The following MUC4 variants were observed in gnomAD, a reference collection of about 807,000 sequenced individuals.
The protein encoded by MUC4 is mucin 4, cell surface associated.
In MUC4, 202 loss-of-function variants were observed where a neutral mutation model predicts 257.9. That is an observed-to-expected ratio of 0.78 (90% CI 0.70 to 0.88). MUC4 has a LOEUF of 0.88. MUC4 is among the 40% of genes least tolerant of loss of function. MUC4 has a pLI of 0.00. For synonymous variants in MUC4, 2,351 were observed against 2,757.1 expected, an observed-to-expected ratio of 0.85 and a Z score of 4.62; for missense variants, 5,976 against 6,513.7, an observed-to-expected ratio of 0.92 and a Z score of 2.84.
rs1360873404 is a variant in MUC4 at position 195,762,860 on chromosome 3, C to T, written c.14339G>A (p.Gly4780Asp). The change falls in exon 13 of 25, where the codon GGC becomes GAC. Residue 4780 changes from glycine (G) to aspartate (D), a missense_variant. By Grantham distance (94) the Gly-to-Asp change is moderately conservative. Transcript: ENST00000463781. ...GCCGGCGCTCCCCAACCTACCTCCG[C>T]CGTCTTCATGGTCAGGCTGAAATGT... ...TVTFQPDHED[G>D]GGQETFNATG... 6.4e-7 allele frequency: 1 copy of T among 1,560,968 alleles called. No homozygotes were observed.
At chr3:195,768,945 G>C in intron 7 of MUC4, 77 bp downstream of exon 7, 2 of 1,534,280 alleles carry the variant, frequency 1.3e-6, no homozygotes, top group Non-Finnish European at 1.8e-6. Flanking sequence ...CCCAGGATGG[G>C]AGTGTGTGTG....
At position 195,784,067 on chromosome 3, in the gene MUC4, C is replaced by A. The variant is rs1301601460; in HGVS notation, c.7513G>T (p.Ala2505Ser). 7 of 1,529,358 alleles carry A rather than the reference C, an allele frequency of 4.6e-6. No individual in the cohort carries two copies. The highest frequency in any genetic ancestry group is 4.9e-5 in the East Asian group (2 of 40,744). The allele number at this position is 1,529,358 out of a possible 1,614,324, so 94.7% of individuals were successfully genotyped here. ...AGAGGGGTGGTGTGACCTGTAGATG[C>A]TGAGGAAGGGCTGGTGACAGGAAGA... ...TRLPVTSPSS[A>S]STGHTTPLPV... The change falls in exon 2 of 25, where the codon GCA (alanine) becomes TCA (serine). Residue 2505 changes from alanine (A) to serine (S), a missense_variant. Coordinates refer to ENST00000463781, the MANE Select transcript of MUC4 (RefSeq NM_018406.7).
intron 8 of MUC4, among the ~76,000 whole-genome samples, chr3:195,765,760 C>T (rs1217701210): frequency 6.6e-6 from 1 of 152,212 alleles, no homozygotes; most frequent in African/African-American, 2.4e-5. Flanking sequence ...ATTTCTTTCC[C>T]ATTGGGGCCT....
At chr3:195,807,048 G>A (rs908285303) in intron 1 of MUC4, among the ~76,000 whole-genome samples, 52 of 152,226 alleles carry the variant, frequency 3.4e-4, no homozygotes, top group African/African-American at 1.1e-3. Flanking sequence ...GTGGAGCTGC[G>A]GGCAACCCAG....
chr3:195,756,734 C>T (rs562236795), intron 18 of MUC4, among the ~76,000 whole-genome samples: 24 of 151,660 alleles, frequency 1.6e-4, no homozygotes, highest in Non-Finnish European at 2.9e-4. Flanking sequence ...GCAATCTTGG[C>T]TCACTGTAAC....
rs758033892 is a variant in MUC4, at chr3:195,748,941, C to G, written c.15995G>C (p.Gly5332Ala). 1 of 1,599,782 alleles carries G rather than the reference C, an allele frequency of 6.3e-7. No homozygotes were observed. The highest frequency in any genetic ancestry group is 8.5e-7 in the Non-Finnish European group (1 of 1,173,206). Residue 5332 changes from glycine (G) to alanine (A), a missense_variant, in exon 24 of 25, where the codon GGA (glycine) becomes GCA (alanine). Around this residue, in one of 44 missense-constraint regions of MUC4, gnomAD observed 310 missense variants for 242.1 expected, o/e 1.28. Coordinates refer to ENST00000463781, the MANE Select transcript of MUC4 (RefSeq NM_018406.7). ...ACTGGGCAGGTGCTGGCACTGGCCTCCATGGTCACAGTAGCCCCTACTGCA... is the reference window on the plus strand; with the variant it reads ...ACTGGGCAGGTGCTGGCACTGGCCTGCATGGTCACAGTAGCCCCTACTGCA... Reference protein sequence around the residue: ...SPCSRGYCDHGGQCQHLPSGP... With the variant: ...SPCSRGYCDHAGQCQHLPSGP...
At chr3:195,766,203 C>A (rs946549549) in intron 8 of MUC4, among the ~76,000 whole-genome samples, 1 of 152,214 alleles carries the variant, frequency 6.6e-6, no homozygotes, top group East Asian at 1.9e-4. Context: ...TCAAGTGATC[C>A]GCCCACCTCA....
In MUC4 at chr3:195,786,949, G is replaced by C; in HGVS notation, c.4631C>G (p.Ser1544Ter). Residue 1544 changes from serine to a stop codon, truncating the protein, a stop_gained, in exon 2 of 25, where the codon TCA becomes TGA. Transcript: ENST00000463781. LOFTEE classifies it high-confidence loss of function. ...AGGGGTGGTGTCACCTGTGGATGCT[G>C]AGGAAGGGCTAGTGACAGGAAGAGG... Reference protein sequence around the residue: ...TMPLPVTSPSSASTGDTTPLP... With the variant: ...TMPLPVTSPS 1 of 1,001,184 alleles carries C rather than the reference G, an allele frequency of 1.0e-6. No individual in the cohort carries two copies. The highest frequency in any genetic ancestry group is 1.3e-6 in the Non-Finnish European group (1 of 759,942). The allele number at this position is 1,001,184 out of a possible 1,614,324, so 62.0% of individuals were successfully genotyped here.
At chr3:195,773,148 G>T (rs1188717551) in intron 4 of MUC4, among the ~76,000 whole-genome samples, 1 of 151,048 alleles carries the variant, frequency 6.6e-6, no homozygotes, top group African/African-American at 2.4e-5. Flanking sequence ...ATCGCTCAGG[G>T]GTGTAGACAC....
chr3:195,795,073 C>A (rs1252822293), intron 1 of MUC4, among the ~76,000 whole-genome samples: 1 of 152,192 alleles, frequency 6.6e-6, no homozygotes, highest in African/African-American at 2.4e-5. Context: ...AAACTCGATG[C>A]CTGCTTTCTC....
In MUC4 at chr3:195,753,073, G is replaced by A; in HGVS notation, c.15486C>T (p.Asn5162=). The A allele has an allele frequency of 6.2e-7, 1 of 1,610,210 alleles. No homozygotes were observed. The highest frequency in any genetic ancestry group is 1.1e-5 in the South Asian group (1 of 90,964). The change falls in exon 20 of 25, where the codon AAC becomes AAT. Residue 5162 remains asparagine (N), a synonymous_variant. Coordinates refer to ENST00000463781, the MANE Select transcript of MUC4 (RefSeq NM_018406.7). The part of the protein sequence containing the change: ...TDSRCFLAGN[N]FSPTVNLELP... Reference sequence around the variant, plus strand: ...TACCTAGGTTGACAGTTGGACTGAAGTTGTTCCCAGCCAGGAAGCAGCGGC... The same window carrying A: ...TACCTAGGTTGACAGTTGGACTGAAATTGTTCCCAGCCAGGAAGCAGCGGC...
intron 14 of MUC4, among the ~76,000 whole-genome samples, 192 bp downstream of exon 14, chr3:195,761,895 G>A (rs1276018337): frequency 6.6e-6 from 1 of 152,146 alleles, no homozygotes; most frequent in Non-Finnish European, 1.5e-5. Context: ...TAGAGCGGGC[G>A]GAGGACAGGA....
At chr3:195,759,015 A>G (rs549630062) in intron 17 of MUC4, 109 bp downstream of exon 17, 1 of 1,376,162 alleles carries the variant, frequency 7.3e-7, no homozygotes, top group East Asian at 2.3e-5. Context: ...CAAATGAAAG[A>G]GTGACAGCAA....
rs73079395 is a variant in MUC4 at position 195,754,240 on chromosome 3, G to T, written c.15301C>A (p.Leu5101Met). Residue 5101 changes from leucine (L) to methionine (M), a missense_variant, in exon 19 of 25, where the codon CTG (leucine) becomes ATG (methionine). Leu to Met is a conservative substitution (Grantham distance 15, BLOSUM62 2). Transcript: ENST00000463781. ...GKGCEACPPN[L>M]TGDGRHCAAL... is the part of the protein sequence containing the mutation. ...GCACAGTGCCGCCCATCCCCAGTCA[G>T]GTTTGGAGGGCAGGCCTCGCAGCCC... 17,816 of 1,613,796 alleles carry T rather than the reference G, an allele frequency of 0.011. 1,750 individuals are homozygous for T. The African/African-American group carries it at 0.21, about 19-fold the overall frequency.
intron 17 of MUC4, among the ~76,000 whole-genome samples, 197 bp downstream of exon 17, chr3:195,758,927 G>A (rs2148788707): frequency 6.6e-6 from 1 of 152,166 alleles, no homozygotes; most frequent in Non-Finnish European, 1.5e-5. Flanking sequence ...ACCGCCGTAA[G>A]CCCGTCACTA....
intron 12 of MUC4, 103 bp from the exon 13 acceptor site, chr3:195,763,048 C>A: frequency 9.8e-7 from 1 of 1,024,090 alleles, no homozygotes. Flanking sequence ...CGCCCTGGGC[C>A]GGGAGGAAGG....
chr3:195,767,825 ACCACCATCACCACCACCACCATCG>A (rs1560265444), intron 7 of MUC4, among the ~76,000 whole-genome samples: 37 of 119,532 alleles, frequency 3.1e-4, no homozygotes, highest in Admixed American at 2.5e-3. Flanking sequence ...CACCACCACC[ACCACCATCACCACCACCACCATCG>A]CCACCATCAC....
intron 1 of MUC4, among the ~76,000 whole-genome samples, chr3:195,800,602 G>T (rs918504567): frequency 6.6e-6 from 1 of 152,122 alleles, no homozygotes; most frequent in Non-Finnish European, 1.5e-5. Context: ...TGATTATTCA[G>T]CTGTTTAGGA....
chr3:195,789,692 C>T lies in MUC4; in HGVS notation c.1888G>A (p.Glu630Lys), dbSNP rs1733611111. ...CCCCTTTGGGAAACAGCTGGTGATT[C>T]CTGAGGAGAGGTGCTTGTGGAATGT... The part of the protein sequence containing the change: ...TIHSTSTSPQ[E>K]SPAVSQRGHT... Residue 630 changes from glutamate to lysine, a missense_variant, in exon 2 of 25, where the codon GAA becomes AAA. Glu to Lys is a moderately conservative substitution (Grantham distance 56, BLOSUM62 1). This residue lies in a region of MUC4 where 1,583 missense variants were observed against 1,257.4 expected (regional missense o/e 1.26). Transcript: ENST00000463781. The T allele has an allele frequency of 1.9e-6, 3 of 1,613,854 alleles. No homozygotes were observed. The highest frequency in any genetic ancestry group is 2.5e-6 in the Non-Finnish European group (3 of 1,179,870).
Sources: gnomAD v4.1 joint callset for allele counts (sites outside exome capture counted in the v4.1 genomes callset) on GRCh38, gnomAD v4.1.1 for gene constraint, gnomAD v4.1.1 regional missense constraint, MANE v1.5 for transcripts, NCBI Gene and HGNC (gene_info 2026-07-23, HGNC 2026-07-21) for gene names.